Variants in FOXN2 observed in about 807,000 individuals in gnomAD.
FOXN2 encodes forkhead box protein N2.
FOXN2 carries 19 observed loss-of-function variants against 41.2 expected under a neutral mutation model. The ratio of observed to expected loss-of-function variants is 0.46; its 90% CI spans 0.32 to 0.68. The LOEUF (loss-of-function observed/expected upper bound fraction) is 0.68. Among genes scored for constraint, FOXN2 ranks in the 30% least tolerant of loss-of-function variants. FOXN2 has a pLI of 0.03. For synonymous variants in FOXN2, 195 were observed against 176.8 expected, an observed-to-expected ratio of 1.10 and a Z score of -0.82; for missense variants, 587 against 509.4, an observed-to-expected ratio of 1.15 and a Z score of -1.47.
intron 3 of FOXN2, among the ~76,000 whole-genome samples, chr2:48,351,429 T>C (rs1671440973): frequency 6.6e-6 from 1 of 152,172 alleles, no homozygotes; most frequent in South Asian, 2.1e-4. Flanking sequence ...AATATCATAA[T>C]AGCAACATGA....
At chr2:48,341,994 A>G (rs923847842) in intron 2 of FOXN2, among the ~76,000 whole-genome samples, 1 of 152,150 alleles carries the variant, frequency 6.6e-6, no homozygotes, top group African/African-American at 2.4e-5. Context: ...CCTTTTTAAG[A>G]TTTGATTTTT....
chr2:48,350,317 C>A (rs1036721589), intron 3 of FOXN2, among the ~76,000 whole-genome samples: 1 of 152,188 alleles, frequency 6.6e-6, no homozygotes, highest in Non-Finnish European at 1.5e-5. Context: ...AGTGAGTGAC[C>A]ACTCCCTTTC....
At chr2:48,345,221 A>C (rs750513414) in intron 2 of FOXN2, among the ~76,000 whole-genome samples, 4 of 152,220 alleles carry the variant, frequency 2.6e-5, no homozygotes, top group Non-Finnish European at 5.9e-5. Flanking sequence ...AAAAGAAATG[A>C]TAACTTATAG....
intron 5 of FOXN2, among the ~76,000 whole-genome samples, chr2:48,370,604 G>A (rs1672828005): frequency 6.6e-6 from 1 of 151,898 alleles, no homozygotes; most frequent in Non-Finnish European, 1.5e-5. Flanking sequence ...CTTCTTTTGA[G>A]CAATGTCTGT....
At chr2:48,366,649 A>G (rs1382028297) in intron 5 of FOXN2, among the ~76,000 whole-genome samples, 4 of 152,146 alleles carry the variant, frequency 2.6e-5, no homozygotes, top group Non-Finnish European at 5.9e-5. Context: ...TGCTTACTTG[A>G]TGCTTTGCAT....
At position 48,376,606 on chromosome 2, in the gene FOXN2, A is replaced by T. The variant is rs985984153; in HGVS notation, c.*1163A>T. On this transcript the variant is annotated 3_prime_UTR_variant, in exon 7 of 7. Transcript: ENST00000340553. ...AGGCAGTGTAACAACCTATAGTGCC[A>T]TTGATCCATGAGAAAAAGATTTTCT... 3.3e-5 allele frequency: 5 copies of T among 152,612 alleles called. No individual in the cohort carries two copies. The highest frequency in any genetic ancestry group is 6.8e-3 in the Middle Eastern group (2 of 294). The allele number at this position is 152,612 out of a possible 1,614,324, so 9.5% of individuals were successfully genotyped here.
chr2:48,350,266 G>A (rs142601524), intron 3 of FOXN2, among the ~76,000 whole-genome samples: 47 of 152,334 alleles, frequency 3.1e-4, no homozygotes, highest in African/African-American at 1.1e-3. Flanking sequence ...CCATTATGGT[G>A]GAGAAACTCA....
At position 48,375,039 on chromosome 2, in the gene FOXN2, C is replaced by A. The variant is rs747005442; in HGVS notation, c.892C>A (p.Pro298Thr). ...TGATTCTTTAGCCACCAGCATTGAT[C>A]CAAAAGAAGATCACAATTACAGTGC... The part of the protein sequence containing the change: ...ESDSLATSID[P>T]KEDHNYSASS... Residue 298 changes from proline (P) to threonine (T), a missense_variant, in exon 7 of 7, where the codon CCA becomes ACA. Coordinates refer to ENST00000340553, the MANE Select transcript of FOXN2 (RefSeq NM_002158.4). 2 of 1,614,032 alleles carry A rather than the reference C, an allele frequency of 1.2e-6. No individual in the cohort carries two copies.
chr2:48,344,776 C>T (rs560330074), intron 2 of FOXN2, among the ~76,000 whole-genome samples: 153 of 151,718 alleles, frequency 1.0e-3, no homozygotes, highest in African/African-American at 3.6e-3. Flanking sequence ...ATAAAATTAG[C>T]CGGTTTTCAG....
At chr2:48,356,750 C>A (rs1049802258) in intron 3 of FOXN2, among the ~76,000 whole-genome samples, 2 of 152,118 alleles carry the variant, frequency 1.3e-5, no homozygotes, top group Admixed American at 6.5e-5. Flanking sequence ...ATGAACGTTG[C>A]CTTTTCTCCC....
At chr2:48,346,833 G>A in intron 3 of FOXN2, 82 bp downstream of exon 3, 1 of 1,213,658 alleles carries the variant, frequency 8.2e-7, no homozygotes, top group African/African-American at 1.5e-5. Flanking sequence ...TGGAAATCGG[G>A]GAGACAATAA....
At chr2:48,315,188 G>T (rs879473778) in intron 1 of FOXN2, among the ~76,000 whole-genome samples, 1 of 152,140 alleles carries the variant, frequency 6.6e-6, no homozygotes, top group Admixed American at 6.5e-5. Context: ...GACCCTCAGG[G>T]CTCGGCTCGG....
intron 2 of FOXN2, among the ~76,000 whole-genome samples, chr2:48,345,802 A>G (rs1362169438): frequency 2.0e-5 from 3 of 152,202 alleles, no homozygotes; most frequent in Admixed American, 6.5e-5. Flanking sequence ...CTATTTGTAT[A>G]TAGTAAAATC....
At chr2:48,364,094 A>G (rs191543027) in intron 5 of FOXN2, among the ~76,000 whole-genome samples, 82 of 152,226 alleles carry the variant, frequency 5.4e-4, no homozygotes, top group African/African-American at 1.9e-3. Flanking sequence ...AATTTGGGAT[A>G]TTTTGTTGTT....
chr2:48,347,533 T>TTGTGTGTG (rs113177559), intron 3 of FOXN2, among the ~76,000 whole-genome samples: 5,054 of 148,100 alleles, frequency 0.034, 90 homozygotes, highest in Non-Finnish European at 0.043. Flanking sequence ...AGCCGAGGTG[T>TTGTGTGTG]TGTGTGTGTG....
chr2:48,338,283 C>G (rs1003876278), intron 2 of FOXN2, among the ~76,000 whole-genome samples: 1 of 151,970 alleles, frequency 6.6e-6, no homozygotes, highest in African/African-American at 2.4e-5. Context: ...TTGCTTGCAG[C>G]AAACAAAAAA....
intron 3 of FOXN2, among the ~76,000 whole-genome samples, chr2:48,354,692 G>C (rs1212377080): frequency 1.3e-5 from 2 of 152,202 alleles, no homozygotes; most frequent in African/African-American, 4.8e-5. Flanking sequence ...GAGAAGCAAT[G>C]TTTACTATCA....
chr2:48,358,629 A>G (rs1671961637), intron 3 of FOXN2, among the ~76,000 whole-genome samples: 1 of 152,232 alleles, frequency 6.6e-6, no homozygotes, highest in African/African-American at 2.4e-5. Context: ...GGAGATCATC[A>G]CATTAAATCT....
chr2:48,348,520 T>C (rs1287064339), intron 3 of FOXN2, among the ~76,000 whole-genome samples: 1 of 152,248 alleles, frequency 6.6e-6, no homozygotes, highest in African/African-American at 2.4e-5. Flanking sequence ...CTCTTGTTTT[T>C]GTATGTATTT....
Sources: allele counts gnomAD v4.1 joint callset (sites outside exome capture counted in the v4.1 genomes callset), GRCh38; gene constraint gnomAD v4.1.1; transcripts MANE v1.5; gene names NCBI Gene and HGNC (gene_info 2026-07-23, HGNC 2026-07-21).